Variants in ZMIZ1 observed in about 807,000 individuals in gnomAD.
ZMIZ1 encodes the protein zinc finger MIZ-type containing 1.
In ZMIZ1, 17 loss-of-function variants were observed where a neutral mutation model predicts 113.9. The ratio of observed to expected loss-of-function variants is 0.15; its 90% confidence interval spans 0.10 to 0.22. ZMIZ1 has a LOEUF of 0.22. ZMIZ1 is among the 10% of genes least tolerant of loss of function. The pLI is 1.00. For missense variants in ZMIZ1, 1,059 were observed against 1,477.8 expected (o/e 0.72, Z 4.65); for synonymous variants, 607 against 603.1 (o/e 1.01, Z -0.09).
intron 3 of ZMIZ1, among the ~76,000 whole-genome samples, chr10:79,145,095 G>T (rs1207023380): frequency 2.7e-5 from 4 of 149,740 alleles, no homozygotes; most frequent in Non-Finnish European, 4.4e-5. Context: ...CCTCCTTCCT[G>T]CCCTCTTTCC....
At chr10:79,141,383 G>A in intron 3 of ZMIZ1, among the ~76,000 whole-genome samples, 1 of 152,146 alleles carries the variant, frequency 6.6e-6, no homozygotes, top group Non-Finnish European at 1.5e-5. Flanking sequence ...GTTTTAAGAA[G>A]ACAAATTTAG....
chr10:79,177,027 C>T (rs186163769), intron 4 of ZMIZ1, among the ~76,000 whole-genome samples: 83 of 152,322 alleles, frequency 5.4e-4, no homozygotes, highest in African/African-American at 1.9e-3. Flanking sequence ...CCCCCTGGGT[C>T]CTGGGACCCC....
At chr10:79,207,480 G>A (rs752518526) in intron 5 of ZMIZ1, among the ~76,000 whole-genome samples, 1 of 152,162 alleles carries the variant, frequency 6.6e-6, no homozygotes, top group Non-Finnish European at 1.5e-5. Flanking sequence ...GAGTGAAGGG[G>A]GGCATGGGAA....
intron 5 of ZMIZ1, 125 bp downstream of exon 5, chr10:79,201,817 G>T: frequency 2.9e-6 from 3 of 1,028,614 alleles, no homozygotes; most frequent in Non-Finnish European, 4.4e-6. Flanking sequence ...TATCGAGGCC[G>T]TTATTGGCAT....
rs567634926 is a variant in ZMIZ1 at position 79,144,965 on chromosome 10, A to C, written c.-131+5188A>C. On this transcript the variant is annotated intron_variant, in intron 3 of 24. Coordinates refer to ENST00000334512, the MANE Select transcript of ZMIZ1 (RefSeq NM_020338.4). ...ATCCACTTCGGCTTCTTGGTGGCTC[A>C]TTTCCCACCTCCTCGCCATCCCTCC... Among the ~76,000 whole-genome samples the C allele has an allele frequency of 3.3e-5, 5 of 150,582 alleles. No homozygotes were observed. In the South Asian group the frequency reaches 1.1e-3, roughly 32 times the overall value.
At chr10:79,111,596 A>G (rs1167017564) in intron 1 of ZMIZ1, among the ~76,000 whole-genome samples, 1 of 152,234 alleles carries the variant, frequency 6.6e-6, no homozygotes, top group Non-Finnish European at 1.5e-5. Flanking sequence ...GGGCCCACAC[A>G]GGCCAGAGCC....
At chr10:79,186,364 C>T (rs1166977018) in intron 4 of ZMIZ1, among the ~76,000 whole-genome samples, 3 of 152,316 alleles carry the variant, frequency 2.0e-5, no homozygotes, top group Admixed American at 6.5e-5. Context: ...CATGACCCAC[C>T]GGGGTTTTTC....
chr10:79,242,008 G>GC (rs1474959984), intron 7 of ZMIZ1, among the ~76,000 whole-genome samples: 1 of 152,164 alleles, frequency 6.6e-6, no homozygotes, highest in Non-Finnish European at 1.5e-5. Context: ...CACCACACAA[G>GC]CAACTTTCAC....
chr10:79,110,740 A>C (rs1053945789), intron 1 of ZMIZ1, among the ~76,000 whole-genome samples: 1 of 152,234 alleles, frequency 6.6e-6, no homozygotes, highest in Non-Finnish European at 1.5e-5. Flanking sequence ...ACAGGGGAAC[A>C]TGATGTCTTG....
Position 79,310,956 on chromosome 10 carries a change from C to T in ZMIZ1, c.2868C>T (p.His956=), listed in dbSNP as rs879646609. 5 of 1,613,932 alleles carry T rather than the reference C, an allele frequency of 3.1e-6. No homozygotes were observed. The Admixed American group carries it at 5.0e-5, about 16-fold the overall frequency. ...MPHAGSSDQP[H]PSIQQGLHVP... ...ACGCTGGCAGCTCTGACCAGCCCCA[C>T]CCCTCCATACAACAAGGTTTGCACG... Residue 956 remains histidine (H), a synonymous_variant, in exon 24 of 25, where the codon CAC becomes CAT. Coordinates refer to ENST00000334512, the MANE Select transcript of ZMIZ1 (RefSeq NM_020338.4).
chr10:79,302,390 TGTC>T (rs1290317371), intron 18 of ZMIZ1, among the ~76,000 whole-genome samples, 178 bp downstream of exon 18: 2 of 152,182 alleles, frequency 1.3e-5, no homozygotes, highest in Non-Finnish European at 2.9e-5. Flanking sequence ...CTGGGGCTGT[TGTC>T]GTGGTCAGAG....
intron 4 of ZMIZ1, among the ~76,000 whole-genome samples, chr10:79,175,315 C>T (rs759656486): frequency 4.6e-5 from 7 of 152,216 alleles, no homozygotes; most frequent in African/African-American, 1.4e-4. Flanking sequence ...CACAGCTGCC[C>T]GTCTGCCTCT....
Position 79,305,592 on chromosome 10 carries a change from C to T in ZMIZ1, c.2414C>T (p.Ala805Val). The T allele has an allele frequency of 6.2e-7, 1 of 1,613,996 alleles. No individual in the cohort carries two copies. The highest frequency in any genetic ancestry group is 1.1e-5 in the South Asian group (1 of 91,080). ...CAGTACATGTGGGGAATCCTGAATG[C>T]CATCCAACAGTAAGTGGGGCCCTAG... Reference protein sequence around the residue: ...VDQYMWGILNAIQHSEFEEVT... With the variant: ...VDQYMWGILNVIQHSEFEEVT... Residue 805 changes from alanine (A) to valine (V), a missense_variant, in exon 21 of 25, where the codon GCC (alanine) becomes GTC (valine). Physicochemically the swap from Ala to Val is moderately conservative, Grantham distance 64. This residue lies in a region of ZMIZ1 where 217 missense variants were observed against 426.9 expected (regional missense o/e 0.51). Transcript: ENST00000334512.
chr10:79,121,100 C>G (rs146637960), intron 2 of ZMIZ1, among the ~76,000 whole-genome samples: 1 of 152,340 alleles, frequency 6.6e-6, no homozygotes, highest in East Asian at 1.9e-4. Context: ...AGGTGAGGTT[C>G]TCAGGGACAC....
intron 3 of ZMIZ1, among the ~76,000 whole-genome samples, chr10:79,159,695 A>C (rs1303383913): frequency 1.3e-5 from 2 of 152,210 alleles, no homozygotes; most frequent in African/African-American, 4.8e-5. Context: ...GACTCAATAC[A>C]GAGTGCCCTC....
chr10:79,184,444 G>T (rs752989994), intron 4 of ZMIZ1, among the ~76,000 whole-genome samples: 9 of 152,192 alleles, frequency 5.9e-5, no homozygotes, highest in Non-Finnish European at 1.3e-4. Flanking sequence ...AGGGATAATT[G>T]TGCCTGCCCC....
Position 79,257,706 on chromosome 10 carries a change from T to A in ZMIZ1, c.281-19475T>A, listed in dbSNP as rs541363105. Among the ~76,000 whole-genome samples, 4 of 152,390 alleles carry A rather than the reference T, an allele frequency of 2.6e-5. No homozygotes were observed. In the East Asian group the frequency reaches 7.7e-4, roughly 29 times the overall value. On this transcript the variant is annotated intron_variant, in intron 7 of 24. Transcript: ENST00000334512. Reference sequence around the variant, plus strand: ...CCCATCCTGGAGCCTTTGCTCTTGCTGTCTATCTCCTGGGGAGCCAGGTGT... The same window carrying A: ...CCCATCCTGGAGCCTTTGCTCTTGCAGTCTATCTCCTGGGGAGCCAGGTGT...
chr10:79,114,482 T>TGTGC (rs1843911789), intron 1 of ZMIZ1, among the ~76,000 whole-genome samples: 1 of 124,954 alleles, frequency 8.0e-6, no homozygotes, highest in African/African-American at 3.1e-5. Flanking sequence ...TGTGTCTGTG[T>TGTGC]GTGTGTGTGT....
At chr10:79,218,071 C>T (rs1024304398) in intron 7 of ZMIZ1, among the ~76,000 whole-genome samples, 4 of 152,170 alleles carry the variant, frequency 2.6e-5, no homozygotes, top group Non-Finnish European at 5.9e-5. Context: ...CAGGGGCCAC[C>T]AAGCTTTTTT....
Sources: gnomAD v4.1 joint callset for allele counts (sites outside exome capture counted in the v4.1 genomes callset) on GRCh38, gnomAD v4.1.1 for gene constraint, gnomAD v4.1.1 regional missense constraint, MANE v1.5 for transcripts, NCBI Gene and HGNC (gene_info 2026-07-23, HGNC 2026-07-21) for gene names.